The following STXBP6 variants were observed in gnomAD, a reference collection of about 807,000 sequenced individuals.
STXBP6 encodes the protein syntaxin binding protein 6.
STXBP6 carries 21 observed loss-of-function variants against 26.9 expected under a neutral mutation model. The ratio of observed to expected loss-of-function variants is 0.78; its 90% CI spans 0.55 to 1.12. The LOEUF is 1.12. Among genes scored for constraint, STXBP6 ranks in the 50% most tolerant of loss-of-function variants. The pLI, the probability that STXBP6 is intolerant of heterozygous loss-of-function variation, is 0.00. For synonymous variants in STXBP6, 97 were observed against 92.6 expected (o/e 1.05, Z -0.27); for missense variants, 232 against 257.9 (o/e 0.90, Z 0.69).
At chr14:24,998,608 A>G (rs909763242) in intron 1 of STXBP6, among the ~76,000 whole-genome samples, 1 of 152,158 alleles carries the variant, frequency 6.6e-6, no homozygotes, top group Non-Finnish European at 1.5e-5. Context: ...AAAAAAAACA[A>G]AGCTCAGCTA....
rs568030663 is a variant in STXBP6 at position 24,894,759 on chromosome 14, C to T, written c.155-37602G>A. Among the ~76,000 whole-genome samples, 10 of 152,326 alleles carry T rather than the reference C, an allele frequency of 6.6e-5. No homozygotes were observed. The South Asian group carries it at 2.1e-3, about 32-fold the overall frequency. ...CCCCTCTCTACCAGCCTAAGGAACT[C>T]TTGCATTGTGTACAAAGTGGTAGCT... On this transcript the variant is annotated intron_variant, in intron 2 of 5. Coordinates refer to ENST00000323944, the MANE Select transcript of STXBP6 (RefSeq NM_001394410.1).
At chr14:24,938,115 A>T (rs528952391) in intron 2 of STXBP6, among the ~76,000 whole-genome samples, 1 of 152,332 alleles carries the variant, frequency 6.6e-6, no homozygotes, top group East Asian at 1.9e-4. Flanking sequence ...AGGCAGGGGA[A>T]AATCAGATCC....
chr14:24,951,642 C>T (rs993106441), intron 2 of STXBP6, among the ~76,000 whole-genome samples: 1 of 152,044 alleles, frequency 6.6e-6, no homozygotes, highest in African/African-American at 2.4e-5. Context: ...CCAAGCAACT[C>T]TATTATATTA....
intron 2 of STXBP6, among the ~76,000 whole-genome samples, chr14:24,967,070 T>G (rs2073757314): frequency 6.7e-6 from 1 of 149,312 alleles, no homozygotes; most frequent in African/African-American, 2.5e-5. Flanking sequence ...GATAAGGGAG[T>G]AGGCTCTAGA....
At chr14:24,970,070 C>T (rs10133091) in intron 2 of STXBP6, among the ~76,000 whole-genome samples, 2,410 of 152,030 alleles carry the variant, frequency 0.016, 60 homozygotes, top group African/African-American at 0.055. Context: ...GGTGAAACAC[C>T]GTCTCTACTA....
intron 1 of STXBP6, among the ~76,000 whole-genome samples, chr14:24,993,415 C>A (rs1328923301): frequency 6.6e-6 from 1 of 152,140 alleles, no homozygotes; most frequent in Non-Finnish European, 1.5e-5. Context: ...CTTTCTAAAT[C>A]CCTCCACATC....
At chr14:24,879,516 G>A (rs1216690807) in intron 2 of STXBP6, among the ~76,000 whole-genome samples, 3 of 151,864 alleles carry the variant, frequency 2.0e-5, no homozygotes, top group Admixed American at 6.6e-5. Context: ...CTTTTCATTC[G>A]GACTCCATGA....
intron 2 of STXBP6, among the ~76,000 whole-genome samples, chr14:24,963,970 T>TA (rs768793147): frequency 0.026 from 1,695 of 64,192 alleles, 43 homozygotes; most frequent in African/African-American, 0.071. Flanking sequence ...AGCAAGTTTC[T>TA]AAAAAAAAAA....
At chr14:24,972,599 C>G (rs1449468462) in intron 2 of STXBP6, among the ~76,000 whole-genome samples, 1 of 152,216 alleles carries the variant, frequency 6.6e-6, no homozygotes, top group Non-Finnish European at 1.5e-5. Context: ...GGTATCCATA[C>G]TAGGCCGATG....
intron 1 of STXBP6, among the ~76,000 whole-genome samples, chr14:24,983,688 T>C (rs2074256622): frequency 6.6e-6 from 1 of 152,124 alleles, no homozygotes; most frequent in African/African-American, 2.4e-5. Context: ...AACAGAAACA[T>C]AAACTCTCCA....
chr14:24,942,756 G>A (rs2072847160), intron 2 of STXBP6, among the ~76,000 whole-genome samples: 1 of 152,196 alleles, frequency 6.6e-6, no homozygotes, highest in South Asian at 2.1e-4. Context: ...TAAAGGGGGT[G>A]GTTCATGCCC....
chr14:24,819,493 T>A (rs1234555704), intron 4 of STXBP6: 3 of 552,054 alleles, frequency 5.4e-6, no homozygotes, highest in Non-Finnish European at 9.6e-6. Context: ...CTCAAAAGGA[T>A]GGGGCCTGTC....
At chr14:24,826,631 TTA>T (rs1228168680) in intron 4 of STXBP6, among the ~76,000 whole-genome samples, 2 of 152,148 alleles carry the variant, frequency 1.3e-5, no homozygotes, top group Non-Finnish European at 2.9e-5. Context: ...ATTGCCTATT[TTA>T]TGTTTCCTCC....
intron 2 of STXBP6, among the ~76,000 whole-genome samples, chr14:24,880,017 A>G (rs774825758): frequency 6.6e-6 from 1 of 152,132 alleles, no homozygotes; most frequent in Non-Finnish European, 1.5e-5. Flanking sequence ...TGTTTCTACC[A>G]CTATGTTCGA....
intron 2 of STXBP6, among the ~76,000 whole-genome samples, chr14:24,921,074 T>A (rs969370598): frequency 6.6e-6 from 1 of 152,168 alleles, no homozygotes; most frequent in Non-Finnish European, 1.5e-5. Flanking sequence ...CTTGGCCTTT[T>A]ACTAACTGCC....
intron 1 of STXBP6, among the ~76,000 whole-genome samples, chr14:25,034,001 T>C (rs1267849644): frequency 6.6e-6 from 1 of 152,206 alleles, no homozygotes; most frequent in Non-Finnish European, 1.5e-5. Context: ...AATAGCACTA[T>C]GACACAGCAT....
chr14:25,045,788 A>G (rs1474005450), intron 1 of STXBP6, among the ~76,000 whole-genome samples: 2 of 151,736 alleles, frequency 1.3e-5, no homozygotes, highest in African/African-American at 4.8e-5. Context: ...TTGTATTTTT[A>G]GTAGAGACAG....
chr14:24,847,471 G>T (rs1294978621), intron 4 of STXBP6, among the ~76,000 whole-genome samples: 2 of 152,068 alleles, frequency 1.3e-5, no homozygotes, highest in Non-Finnish European at 2.9e-5. Flanking sequence ...TAGATGTAAA[G>T]ATTTTAGAAA....
chr14:25,045,161 G>C (rs1052636527), intron 1 of STXBP6, among the ~76,000 whole-genome samples: 3 of 152,150 alleles, frequency 2.0e-5, no homozygotes, highest in Non-Finnish European at 2.9e-5. Flanking sequence ...AGTCCTAAAA[G>C]ATACATATAT....
Sources: gnomAD v4.1 joint callset for allele counts (sites outside exome capture counted in the v4.1 genomes callset) on GRCh38, gnomAD v4.1.1 for gene constraint, MANE v1.5 for transcripts, NCBI Gene and HGNC (gene_info 2026-07-23, HGNC 2026-07-21) for gene names.